The following IL2RA variants were observed in gnomAD, a reference collection of about 807,000 sequenced individuals.
The protein encoded by IL2RA is interleukin-2 receptor subunit alpha.
A neutral mutation model predicts 37.8 loss-of-function variants in IL2RA; 24 were observed. The ratio of observed to expected loss-of-function variants is 0.63; its 90% CI spans 0.46 to 0.89. The LOEUF (loss-of-function observed/expected upper bound fraction) is 0.89, where lower values mean the gene tolerates loss of function less well. Ranked by LOEUF, IL2RA falls within the 40% of genes least tolerant of loss-of-function variation. The probability of loss-of-function intolerance (pLI) is 0.00; values close to 1 mark genes in which losing one functional copy is unlikely to be tolerated. For synonymous variants in IL2RA, 125 were observed against 114.6 expected (o/e 1.09, Z -0.58); for missense variants, 319 against 348.6 (o/e 0.92, Z 0.68).
Position 6,035,305 on chromosome 10 carries a change from G to T in IL2RA, c.65-9280C>A, listed in dbSNP as rs1406212208. The stretch of plus-strand genomic sequence containing the variant: ...CCCTGGGTCTCCCTGTGTGGGCAGG[G>T]ATGGAGAGTGAGGGCCTGCCTTCAT... On this transcript the variant is annotated intron_variant, in intron 1 of 7. Coordinates refer to ENST00000379959, the MANE Select transcript of IL2RA (RefSeq NM_000417.3). The surrounding 1 kb of genome is among the most constrained non-coding windows in gnomAD (Gnocchi z 5.4). 6.6e-6 allele frequency among the ~76,000 whole-genome samples: 1 copy of T among 152,214 alleles called. No homozygotes were observed. Among genetic ancestry groups the T allele is most frequent in the Non-Finnish European group, 1.5e-5 (1 of 68,030 alleles).
rs554044656 is a variant in IL2RA at position 6,030,888 on chromosome 10, A to G, written c.65-4863T>C. 1.3e-3 allele frequency among the ~76,000 whole-genome samples: 192 copies of G among 152,298 alleles called. 1 individual carries two copies. The highest frequency in any genetic ancestry group is 4.3e-3 in the African/African-American group (180 of 41,576). On this transcript the variant is annotated intron_variant, in intron 1 of 7. Coordinates refer to ENST00000379959, the MANE Select transcript of IL2RA (RefSeq NM_000417.3). Reference sequence around the variant, plus strand: ...TTGTACTGTTTTAGGTTTTTATATCATATAGAAAATGGTACAATATTAAGT... The same window carrying G: ...TTGTACTGTTTTAGGTTTTTATATCGTATAGAAAATGGTACAATATTAAGT...
intron 1 of IL2RA, among the ~76,000 whole-genome samples, chr10:6,055,228 T>C (rs1339934817): frequency 1.3e-5 from 2 of 152,218 alleles, no homozygotes; most frequent in African/African-American, 4.8e-5. Flanking sequence ...TGAGAAGTAC[T>C]GCTTGAGCAT....
intron 1 of IL2RA, among the ~76,000 whole-genome samples, chr10:6,027,308 C>G (rs1839500314): frequency 1.3e-5 from 2 of 151,226 alleles, no homozygotes; most frequent in Admixed American, 1.3e-4. Context: ...CCTGGGAAAC[C>G]CAGCAAGACT....
At position 6,029,853 on chromosome 10, in the gene IL2RA, T is replaced by C. The variant is rs965891958; in HGVS notation, c.65-3828A>G. Among the ~76,000 whole-genome samples, 1 of 152,110 alleles carries C rather than the reference T, an allele frequency of 6.6e-6. No homozygotes were observed. Among genetic ancestry groups the C allele is most frequent in the African/African-American group, 2.4e-5 (1 of 41,420 alleles). On this transcript the variant is annotated intron_variant, in intron 1 of 7. Transcript: ENST00000379959. The surrounding 1 kb of genome is among the most constrained non-coding windows in gnomAD (Gnocchi z 4.6). ...CCAAATAGCTTGGATTACGGGCACA[T>C]GCCATCATACATGGCTAATTTTTGT...
chr10:6,019,594 C>T (rs2132850584), intron 5 of IL2RA, 95 bp from the exon 6 acceptor site: 2 of 963,838 alleles, frequency 2.1e-6, no homozygotes, highest in East Asian at 2.4e-5. Context: ...GAATGAGAAG[C>T]TCAGAGGCTG....
At chr10:6,031,469 T>TAC (rs1659372934) in intron 1 of IL2RA, among the ~76,000 whole-genome samples, 24 of 17,438 alleles carry the variant, frequency 1.4e-3, no homozygotes, top group East Asian at 5.6e-3. Context: ...TATATATATA[T>TAC]ATATATATAT....
At chr10:6,023,343 T>C (rs757597826) in intron 3 of IL2RA, among the ~76,000 whole-genome samples, 1 of 152,138 alleles carries the variant, frequency 6.6e-6, no homozygotes, top group Non-Finnish European at 1.5e-5. Context: ...TTTGTTTTGT[T>C]TTTTTGAGGG....
At chr10:6,042,997 A>G (rs920877974) in intron 1 of IL2RA, among the ~76,000 whole-genome samples, 1 of 152,242 alleles carries the variant, frequency 6.6e-6, no homozygotes, top group Non-Finnish European at 1.5e-5. Flanking sequence ...TTCTAGGATC[A>G]GTGATCTCAC....
rs548866908 is a variant in IL2RA at position 6,057,283 on chromosome 10, T to C, written c.64+4805A>G. 6.6e-6 allele frequency among the ~76,000 whole-genome samples: 1 copy of C among 152,254 alleles called. No homozygotes were observed. Among genetic ancestry groups the C allele is most frequent in the African/African-American group, 2.4e-5 (1 of 41,552 alleles). On this transcript the variant is annotated intron_variant, in intron 1 of 7. Transcript: ENST00000379959. This position sits in a 1 kb window ranked among gnomAD's most constrained non-coding sequence, Gnocchi z 4.8. ...GCAACTGCAGCAATTACAGAAGCAG[T>C]GGGTCATGCTGGCTGCCAGGCAGTA...
chr10:6,032,630 T>C (rs1365613014), intron 1 of IL2RA, among the ~76,000 whole-genome samples: 1 of 150,900 alleles, frequency 6.6e-6, no homozygotes, highest in Non-Finnish European at 1.5e-5. Context: ...GAGGTGGAGC[T>C]TGCAGTGAGC....
At position 6,062,116 on chromosome 10, in the gene IL2RA, C is replaced by A; in HGVS notation, c.36G>T (p.Thr12=). Residue 12 remains threonine, a synonymous_variant, in exon 1 of 8, where the codon ACG becomes ACT. Coordinates refer to ENST00000379959, the MANE Select transcript of IL2RA (RefSeq NM_000417.3). ...CCTGGCAGCCAGGCACCATGATGAACGTGAGCAGTCCCCACATCAGCAGGT... is the reference window on the plus strand; with the variant it reads ...CCTGGCAGCCAGGCACCATGATGAAAGTGAGCAGTCCCCACATCAGCAGGT... ...DSYLLMWGLL[T]FIMVPGCQAE... is the part of the protein sequence containing the mutation. The A allele has an allele frequency of 6.2e-7, 1 of 1,614,088 alleles. No homozygotes were observed. Among genetic ancestry groups the A allele is most frequent in the Non-Finnish European group, 8.5e-7 (1 of 1,179,964 alleles).
At chr10:6,032,349 C>T (rs1839608725) in intron 1 of IL2RA, among the ~76,000 whole-genome samples, 1 of 151,974 alleles carries the variant, frequency 6.6e-6, no homozygotes, top group Admixed American at 6.6e-5. Flanking sequence ...AAAGCACTGA[C>T]TATAAAAGAA....
In IL2RA at chr10:6,036,316, G is replaced by A. The variant is rs753372304; in HGVS notation, c.65-10291C>T. ...TCCCAGGCACCTGCTCTCTCCTTTC[G>A]AGTGTTCGACTCCACTCTCAGTCAC... On this transcript the variant is annotated intron_variant, in intron 1 of 7. Coordinates refer to ENST00000379959, the MANE Select transcript of IL2RA (RefSeq NM_000417.3). This position sits in a 1 kb window ranked among gnomAD's most constrained non-coding sequence, Gnocchi z 6.1. The A allele has an allele frequency of 2.0e-5, 3 of 152,148 alleles. No individual in the cohort carries two copies. The highest frequency in any genetic ancestry group is 4.4e-5 in the Non-Finnish European group (3 of 68,050). 9.4% of individuals were successfully genotyped at this position (152,148 alleles called of 1,614,324 possible).
At chr10:6,053,917 A>AAGCCT (rs1302873815) in intron 1 of IL2RA, among the ~76,000 whole-genome samples, 1 of 152,140 alleles carries the variant, frequency 6.6e-6, no homozygotes, top group Non-Finnish European at 1.5e-5. Context: ...TGGGAGGAAA[A>AAGCCT]AGCCTGGGAA....
intron 1 of IL2RA, among the ~76,000 whole-genome samples, chr10:6,059,022 C>T (rs1490854190): frequency 2.0e-5 from 3 of 152,154 alleles, no homozygotes; most frequent in African/African-American, 7.2e-5. Flanking sequence ...GAACTCTTAC[C>T]CTGAGGAATA....
intron 2 of IL2RA, 54 bp from the exon 3 acceptor site, chr10:6,024,408 A>T: frequency 7.8e-7 from 1 of 1,286,660 alleles, no homozygotes; most frequent in Non-Finnish European, 1.1e-6. Flanking sequence ...TTCATAGAAA[A>T]CACTGTTCAT....
In IL2RA at chr10:6,014,059, G is replaced by C. The variant is rs1002014250; in HGVS notation, c.795-1163C>G. 2.0e-5 allele frequency among the ~76,000 whole-genome samples: 3 copies of C among 152,064 alleles called. No homozygotes were observed. Among genetic ancestry groups the C allele is most frequent in the African/African-American group, 7.2e-5 (3 of 41,408 alleles). On this transcript the variant is annotated intron_variant, in intron 7 of 7. Transcript: ENST00000379959. The surrounding 1 kb of genome is among the most constrained non-coding windows in gnomAD (Gnocchi z 4.4). Reference sequence around the variant, plus strand: ...TGTTGCCCAGGCTGGTCTCAAGCGAGCCTCTCACCTTAGTCTCCCGAAGTG... The same window carrying C: ...TGTTGCCCAGGCTGGTCTCAAGCGACCCTCTCACCTTAGTCTCCCGAAGTG...
Position 6,048,887 on chromosome 10 carries a change from T to A in IL2RA, c.64+13201A>T, listed in dbSNP as rs1839905511. Among the ~76,000 whole-genome samples the A allele has an allele frequency of 6.6e-6, 1 of 152,184 alleles. No homozygotes were observed. Among genetic ancestry groups the A allele is most frequent in the Non-Finnish European group, 1.5e-5 (1 of 68,032 alleles). On this transcript the variant is annotated intron_variant, in intron 1 of 7. Transcript: ENST00000379959. This position sits in a 1 kb window ranked among gnomAD's most constrained non-coding sequence, Gnocchi z 5.3. The stretch of plus-strand genomic sequence containing the variant: ...ACAGCTCATGCCCAACTTCAAAATC[T>A]CTGCTTCCACTATGTGCCTGAGCTC...
At chr10:6,039,999 TA>T (rs1048829526) in intron 1 of IL2RA, among the ~76,000 whole-genome samples, 1 of 152,188 alleles carries the variant, frequency 6.6e-6, no homozygotes, top group African/African-American at 2.4e-5. Context: ...AGAGAATGTG[TA>T]AAAGTGTAAA....
Sources: gnomAD v4.1 joint callset for allele counts (sites outside exome capture counted in the v4.1 genomes callset) on GRCh38, gnomAD v4.1.1 for gene constraint, Gnocchi (gnomAD v3.1) non-coding constraint, MANE v1.5 for transcripts, NCBI Gene and HGNC (gene_info 2026-07-23, HGNC 2026-07-21) for gene names.